XIAP: variants seen among roughly 807,000 people sequenced by gnomAD.
XIAP encodes the protein E3 ubiquitin-protein ligase XIAP.
XIAP carries 3 observed loss-of-function variants against 33.1 expected under a neutral mutation model. That is an observed-to-expected ratio of 0.09 (90% CI 0.04 to 0.23). The LOEUF (loss-of-function observed/expected upper bound fraction) is 0.23. Ranked by LOEUF, XIAP falls within the 10% of genes least tolerant of loss-of-function variation. The pLI is 1.00. For synonymous variants in XIAP, 98 were observed against 121.3 expected (o/e 0.81, Z 1.26); for missense variants, 264 against 363.0 (o/e 0.73, Z 2.22).
At chrX:123,866,066 G>A (rs950057861) in intron 1 of XIAP, among the ~76,000 whole-genome samples, 3 of 110,105 alleles carry the variant, frequency 2.7e-5, no homozygotes, top group Non-Finnish European at 3.8e-5. Flanking sequence ...TCAGCCTCCC[G>A]AGTAGCTGGG....
rs894743059 is a variant in XIAP, at chrX:123,883,087, G to A, written c.-32-2544G>A. On this transcript the variant is annotated intron_variant, in intron 1 of 6. Transcript: ENST00000371199. ...TGGGATTACAGGCGTGAGCCATCACGCCCGGCCTTTTTTGAGATGGAGCCT... is the reference window on the plus strand; with the variant it reads ...TGGGATTACAGGCGTGAGCCATCACACCCGGCCTTTTTTGAGATGGAGCCT... 7.7e-5 allele frequency among the ~76,000 whole-genome samples: 8 copies of A among 104,443 alleles called. No individual in the cohort carries two copies. In the East Asian group the frequency reaches 2.5e-3, roughly 32 times the overall value. 90.7% of individuals were successfully genotyped at this position (104,443 alleles called of 115,157 possible).
chrX:123,880,309 G>C (rs1265621762), intron 1 of XIAP, among the ~76,000 whole-genome samples: 2 of 108,307 alleles, frequency 1.8e-5, no homozygotes, highest in Non-Finnish European at 3.8e-5. Context: ...CACTCAGGAG[G>C]CTGAGGTGGG....
chrX:123,862,316 G>T (rs972571388), intron 1 of XIAP, among the ~76,000 whole-genome samples: 11 of 107,655 alleles, frequency 1.0e-4, no homozygotes, highest in Non-Finnish European at 1.9e-4. Flanking sequence ...TGATGCACCC[G>T]CCTCGGCCTC....
intron 5 of XIAP, among the ~76,000 whole-genome samples, chrX:123,896,595 T>TC (rs2053462292): frequency 9.2e-6 from 1 of 108,251 alleles, no homozygotes; most frequent in Non-Finnish European, 1.9e-5. Flanking sequence ...TTTTTTTTTT[T>TC]CCCAAGACGG....
intron 4 of XIAP, among the ~76,000 whole-genome samples, chrX:123,891,731 G>T: frequency 9.3e-6 from 1 of 107,729 alleles, no homozygotes; most frequent in Admixed American, 1.0e-4. Context: ...TGAGGCGGGA[G>T]GATCGCTTGA....
intron 1 of XIAP, among the ~76,000 whole-genome samples, chrX:123,884,576 G>T (rs1382707371): frequency 9.0e-6 from 1 of 111,109 alleles, no homozygotes. Flanking sequence ...TTTATATTGA[G>T]CATGTTATCA....
intron 1 of XIAP, among the ~76,000 whole-genome samples, chrX:123,883,623 A>G (rs1167847755): frequency 1.9e-5 from 2 of 107,575 alleles, no homozygotes; most frequent in Non-Finnish European, 3.8e-5. Flanking sequence ...CAGTCTCCCA[A>G]GTAGCTGGGA....
At chrX:123,888,907 A>G (rs1010117224) in intron 3 of XIAP, among the ~76,000 whole-genome samples, 189 bp downstream of exon 3, 26 of 111,704 alleles carry the variant, frequency 2.3e-4, no homozygotes, top group Admixed American at 9.6e-5. Flanking sequence ...TGTGATATCT[A>G]TAACATTCAG....
chrX:123,901,289 CGGGG>C, intron 6 of XIAP, among the ~76,000 whole-genome samples: 1 of 111,380 alleles, frequency 9.0e-6, no homozygotes, highest in Non-Finnish European at 1.9e-5. Context: ...GGAGGCTGAG[CGGGG>C]AAGATCACCT....
chrX:123,872,365 T>A (rs779470172), intron 1 of XIAP, among the ~76,000 whole-genome samples: 2 of 107,042 alleles, frequency 1.9e-5, no homozygotes, highest in African/African-American at 6.8e-5. Context: ...GTGTCTCACT[T>A]AGCAAGTCCT....
At chrX:123,862,627 A>C (rs1459762093) in intron 1 of XIAP, among the ~76,000 whole-genome samples, 1 of 80,381 alleles carries the variant, frequency 1.2e-5, no homozygotes, top group Non-Finnish European at 2.5e-5. Context: ...TTGGGACGCC[A>C]AGGCGGGCAG....
At position 123,912,216 on chromosome X, in the gene XIAP, GAAA is replaced by G; in HGVS notation, c.*5045_*5047del. On this transcript the variant is annotated 3_prime_UTR_variant, in exon 7 of 7. Coordinates refer to ENST00000371199, the MANE Select transcript of XIAP (RefSeq NM_001167.4). ...ACCAAGGAGGAATTGAAAACACTGA[GAAA>G]AAAAAAAAAGACCACACAATAAAAA... 2 of 207,685 alleles carry G rather than the reference GAAA, an allele frequency of 9.6e-6. No homozygotes were observed. The highest frequency in any genetic ancestry group is 6.7e-5 in the Admixed American group (1 of 14,980). The allele number at this position is 207,685 out of a possible 1,213,427, so 17.1% of individuals were successfully genotyped here. A position where few individuals can be genotyped will look rare whatever the true frequency, so the allele number is the denominator to read the frequency against.
intron 1 of XIAP, chrX:123,874,319 TC>T (rs1356901199): frequency 8.9e-6 from 1 of 112,099 alleles, no homozygotes; most frequent in Non-Finnish European, 1.9e-5. Context: ...AAGAAAATAA[TC>T]TCACTGCTCA....
rs754734950 is a variant in XIAP, at chrX:123,908,559, A to G, written c.*1378A>G. 1.4e-5 allele frequency: 5 copies of G among 360,124 alleles called. No individual in the cohort carries two copies. The East Asian group carries it at 2.4e-4, about 18-fold the overall frequency. 29.7% of individuals were successfully genotyped at this position (360,124 alleles called of 1,213,427 possible). On this transcript the variant is annotated 3_prime_UTR_variant, in exon 7 of 7. Transcript: ENST00000371199. ...ATATCATCTTGTATCTTAAAGTTTC[A>G]TGTGAGTTTTTACCGTTAGGATGAT...
chrX:123,913,559 G>A lies in XIAP; in HGVS notation c.*6378G>A, dbSNP rs1226541756. On this transcript the variant is annotated 3_prime_UTR_variant, in exon 7 of 7. Coordinates refer to ENST00000371199, the MANE Select transcript of XIAP (RefSeq NM_001167.4). The stretch of plus-strand genomic sequence containing the variant: ...CTTTGAATCTGAAGTTTGCAGATAT[G>A]CCTATAGATTTTTGGAGTTTACCAC... The A allele has an allele frequency of 3.1e-6, 1 of 326,137 alleles. No individual in the cohort carries two copies. The highest frequency in any genetic ancestry group is 2.7e-5 in the South Asian group (1 of 37,427). The allele number at this position is 326,137 out of a possible 1,213,427, so 26.9% of individuals were successfully genotyped here.
intron 1 of XIAP, among the ~76,000 whole-genome samples, chrX:123,862,628 A>AGGCGGGCG (rs201647552): frequency 9.3e-6 from 1 of 107,694 alleles, no homozygotes; most frequent in Non-Finnish European, 1.9e-5. Flanking sequence ...TGGGACGCCA[A>AGGCGGGCG]GGCGGGCAGA....
At chrX:123,868,941 T>C (rs749962208) in intron 1 of XIAP, among the ~76,000 whole-genome samples, 1 of 111,479 alleles carries the variant, frequency 9.0e-6, no homozygotes, top group African/African-American at 3.3e-5. Flanking sequence ...TGGTATGATT[T>C]GGTACCCAGT....
chrX:123,892,992 T>G (rs2053421327), intron 5 of XIAP, among the ~76,000 whole-genome samples: 1 of 109,282 alleles, frequency 9.2e-6, no homozygotes, highest in Admixed American at 9.9e-5. Flanking sequence ...GGCTAACTTT[T>G]TATATTTTTA....
intron 6 of XIAP, among the ~76,000 whole-genome samples, chrX:123,901,684 A>G (rs1237190285): frequency 8.9e-6 from 1 of 111,990 alleles, no homozygotes; most frequent in African/African-American, 3.2e-5. Flanking sequence ...AACATTAATG[A>G]TATTTAAAAT....
Sources: gnomAD v4.1 joint callset for allele counts (sites outside exome capture counted in the v4.1 genomes callset) on GRCh38, gnomAD v4.1.1 for gene constraint, MANE v1.5 for transcripts, NCBI Gene and HGNC (gene_info 2026-07-23, HGNC 2026-07-21) for gene names.